C1orf21: variants seen among roughly 807,000 people sequenced by gnomAD.
The protein encoded by C1orf21 is uncharacterized protein C1orf21.
C1orf21 carries 3 observed loss-of-function variants against 18.7 expected under a neutral mutation model. The ratio of observed to expected loss-of-function variants is 0.16; its 90% CI spans 0.07 to 0.42. C1orf21 has a LOEUF of 0.42. Among genes scored for constraint, C1orf21 ranks in the 10% least tolerant of loss-of-function variants. The pLI is 0.99. For synonymous variants in C1orf21, 41 were observed against 46.4 expected, an observed-to-expected ratio of 0.88 and a Z score of 0.47; for missense variants, 104 against 143.6, an observed-to-expected ratio of 0.72 and a Z score of 1.41.
At chr1:184,597,197 G>A (rs924618366) in intron 4 of C1orf21, among the ~76,000 whole-genome samples, 6 of 152,300 alleles carry the variant, frequency 3.9e-5, no homozygotes, top group Non-Finnish European at 5.9e-5. Context: ...ATCAGATAAA[G>A]GGCAGTAAAA....
intron 1 of C1orf21, among the ~76,000 whole-genome samples, chr1:184,450,845 C>A (rs1657110160): frequency 6.6e-6 from 1 of 152,082 alleles, no homozygotes; most frequent in Admixed American, 6.5e-5. Context: ...CCTCTGAATT[C>A]ACCAACAGTA....
chr1:184,602,146 A>G (rs1659593077), intron 5 of C1orf21, among the ~76,000 whole-genome samples: 1 of 152,084 alleles, frequency 6.6e-6, no homozygotes, highest in Non-Finnish European at 1.5e-5. Flanking sequence ...TCACCCTGCT[A>G]TTGTCACTGA....
chr1:184,561,885 G>A (rs1195846805), intron 3 of C1orf21, among the ~76,000 whole-genome samples: 1 of 151,994 alleles, frequency 6.6e-6, no homozygotes, highest in Non-Finnish European at 1.5e-5. Flanking sequence ...CGCCCACCTT[G>A]GCCTCCCAAA....
chr1:184,449,051 TTTA>T (rs369944117), intron 1 of C1orf21, among the ~76,000 whole-genome samples: 8,037 of 152,002 alleles, frequency 0.053, 713 homozygotes, highest in African/African-American at 0.18. Flanking sequence ...CTAGATTTCT[TTTA>T]TTATTATTAT....
At chr1:184,402,664 C>A (rs77847695) in intron 1 of C1orf21, among the ~76,000 whole-genome samples, 2,532 of 151,294 alleles carry the variant, frequency 0.017, 80 homozygotes, top group African/African-American at 0.056. Flanking sequence ...TTGAGATGTG[C>A]CCCCCTTATA....
intron 3 of C1orf21, among the ~76,000 whole-genome samples, chr1:184,560,459 C>T (rs570222361): frequency 2.6e-5 from 4 of 152,170 alleles, no homozygotes; most frequent in East Asian, 3.9e-4. Context: ...ACAGCAAAAC[C>T]GCACTGGTTC....
chr1:184,542,687 T>C (rs1658672961), intron 3 of C1orf21: 1 of 152,176 alleles, frequency 6.6e-6, no homozygotes, highest in South Asian at 2.1e-4. Flanking sequence ...TGCTTATACG[T>C]AGATGAGTTA....
At chr1:184,471,382 A>C (rs1210438009) in intron 1 of C1orf21, among the ~76,000 whole-genome samples, 1 of 152,232 alleles carries the variant, frequency 6.6e-6, no homozygotes, top group East Asian at 1.9e-4. Context: ...TCAGACTTGC[A>C]AGTATGTCCT....
chr1:184,415,331 T>A (rs1656432551), intron 1 of C1orf21, among the ~76,000 whole-genome samples: 1 of 152,232 alleles, frequency 6.6e-6, no homozygotes, highest in South Asian at 2.1e-4. Context: ...CCTTACTCGG[T>A]AAGTGTCTAG....
chr1:184,556,785 T>C, intron 3 of C1orf21, among the ~76,000 whole-genome samples: 1 of 152,096 alleles, frequency 6.6e-6, no homozygotes, highest in East Asian at 1.9e-4. Flanking sequence ...GAAAATCTGA[T>C]CCTTATTGTT....
At chr1:184,430,073 C>T (rs1656714578) in intron 1 of C1orf21, among the ~76,000 whole-genome samples, 1 of 148,808 alleles carries the variant, frequency 6.7e-6, no homozygotes, top group African/African-American at 2.5e-5. Context: ...GATCACCCCA[C>T]TGCACTCCAG....
intron 1 of C1orf21, among the ~76,000 whole-genome samples, chr1:184,469,679 T>A (rs537191430): frequency 1.5e-4 from 23 of 152,322 alleles, no homozygotes; most frequent in African/African-American, 5.5e-4. Flanking sequence ...ATACTCTCCA[T>A]CAGCAAATGC....
At position 184,401,605 on chromosome 1, in the gene C1orf21, T is replaced by C. The variant is rs545714197; in HGVS notation, c.-125+14237T>C. ...CAGTTTATTATTTGTCATTTTTCTT[T>C]GATTATGATGTTAAGCAAATTATTT... On this transcript the variant is annotated intron_variant, in intron 1 of 5. Transcript: ENST00000235307. Among the ~76,000 whole-genome samples the C allele has an allele frequency of 7.2e-4, 110 of 152,256 alleles. 1 individual carries two copies. The highest frequency in any genetic ancestry group is 3.4e-3 in the Middle Eastern group (1 of 294).
chr1:184,557,250 TTC>T (rs1658892569), intron 3 of C1orf21, among the ~76,000 whole-genome samples: 1 of 152,178 alleles, frequency 6.6e-6, no homozygotes, highest in African/African-American at 2.4e-5. Context: ...GTGTGTTTTT[TTC>T]TTTTTTTTAA....
chr1:184,612,155 C>T (rs1043326879), intron 5 of C1orf21, among the ~76,000 whole-genome samples: 2 of 152,190 alleles, frequency 1.3e-5, no homozygotes, highest in South Asian at 4.1e-4. Context: ...GTCATCCAGA[C>T]AGGTAAAGGA....
chr1:184,602,978 T>G (rs1350071785), intron 5 of C1orf21, among the ~76,000 whole-genome samples: 1 of 152,214 alleles, frequency 6.6e-6, no homozygotes, highest in East Asian at 1.9e-4. Flanking sequence ...TTCTTAAACT[T>G]TGTTGGGCCT....
intron 3 of C1orf21, among the ~76,000 whole-genome samples, chr1:184,547,478 G>C (rs1258763035): frequency 7.2e-6 from 1 of 139,504 alleles, no homozygotes; most frequent in Non-Finnish European, 1.5e-5. Context: ...CTCAAGGCAA[G>C]TCTTTGGATT....
intron 1 of C1orf21, among the ~76,000 whole-genome samples, chr1:184,461,670 C>T (rs545838810): frequency 3.3e-5 from 5 of 152,254 alleles, no homozygotes; most frequent in African/African-American, 9.6e-5. Context: ...GAACTCATTA[C>T]ACCGTGAATG....
At position 184,507,680 on chromosome 1, in the gene C1orf21, T is replaced by C. The variant is rs1658084158; in HGVS notation, c.187T>C (p.Leu63=). The change falls in exon 3 of 6, where the codon TTG becomes CTG. Residue 63 remains leucine (L), a splice_region_variant and synonymous_variant. Coordinates refer to ENST00000235307, the MANE Select transcript of C1orf21 (RefSeq NM_030806.4). ...AATAGCAGCCAGGAACCAAGAAAACTTGGTAAGAATTGATTTTCTCACTTA... is the reference window on the plus strand; with the variant it reads ...AATAGCAGCCAGGAACCAAGAAAACCTGGTAAGAATTGATTTTCTCACTTA... ...QKIAARNQEN[L]EKSASSNVRL... The C allele has an allele frequency of 6.3e-7, 1 of 1,579,892 alleles. No homozygotes were observed. Among genetic ancestry groups the C allele is most frequent in the East Asian group, 2.3e-5 (1 of 44,212 alleles).
Sources: gnomAD v4.1 joint callset for allele counts (sites outside exome capture counted in the v4.1 genomes callset) on GRCh38, gnomAD v4.1.1 for gene constraint, MANE v1.5 for transcripts, NCBI Gene and HGNC (gene_info 2026-07-23, HGNC 2026-07-21) for gene names.